The following PSD3 variants were observed in gnomAD, a reference collection of about 807,000 sequenced individuals.
PSD3 encodes pleckstrin and Sec7 domain containing 3, also known as PH and SEC7 domain-containing protein 3.
In PSD3, 49 loss-of-function variants were observed where a neutral mutation model predicts 105.5. The ratio of observed to expected loss-of-function variants is 0.46; its 90% CI spans 0.37 to 0.59. PSD3 has a LOEUF of 0.59. Ranked by LOEUF, PSD3 falls within the 20% of genes least tolerant of loss-of-function variation. The pLI is 0.00. For missense variants in PSD3, 1,561 were observed against 1,263.8 expected, an observed-to-expected ratio of 1.24 and a Z score of -3.57; for synonymous variants, 557 against 457.8, an observed-to-expected ratio of 1.22 and a Z score of -2.77.
chr8:18,667,366 A>G (rs1799531114), intron 9 of PSD3, among the ~76,000 whole-genome samples: 2 of 152,172 alleles, frequency 1.3e-5, no homozygotes, highest in South Asian at 4.1e-4. Flanking sequence ...CCTGAGCTAG[A>G]CACAAAGTGC....
chr8:18,739,907 A>G (rs1441294127), intron 9 of PSD3, among the ~76,000 whole-genome samples: 1 of 152,226 alleles, frequency 6.6e-6, no homozygotes, highest in Non-Finnish European at 1.5e-5. Context: ...ATCAGATGAA[A>G]GTAACATTAT....
At chr8:18,616,264 G>A (rs1447660352) in intron 11 of PSD3, among the ~76,000 whole-genome samples, 1 of 152,228 alleles carries the variant, frequency 6.6e-6, no homozygotes, top group Non-Finnish European at 1.5e-5. Flanking sequence ...GTGCGTTCAA[G>A]TGCTCTTCAC....
intron 1 of PSD3, among the ~76,000 whole-genome samples, chr8:19,053,330 G>A (rs1287719676): frequency 6.6e-6 from 1 of 152,058 alleles, no homozygotes; most frequent in Admixed American, 6.5e-5. Context: ...GCCCCCTGCT[G>A]CACACACCCA....
At chr8:18,628,479 T>C (rs1175284263) in intron 11 of PSD3, among the ~76,000 whole-genome samples, 2 of 151,910 alleles carry the variant, frequency 1.3e-5, no homozygotes, top group African/African-American at 4.8e-5. Flanking sequence ...AAGGATTCTA[T>C]ACCCAGTGAA....
Position 18,657,241 on chromosome 8 carries a change from G to A in PSD3, c.2173-1556C>T, listed in dbSNP as rs187298226. ...GTCTCATTCAAGTGTTTACATGTGT[G>A]TAAGCAAACAATGCACACCAATAGT... On this transcript the variant is annotated intron_variant, in intron 9 of 15. Coordinates refer to ENST00000327040, the MANE Select transcript of PSD3 (RefSeq NM_015310.4). Among the ~76,000 whole-genome samples, 758 of 152,002 alleles carry A rather than the reference G, an allele frequency of 5.0e-3. 8 individuals are homozygous for A. Among genetic ancestry groups the A allele is most frequent in the African/African-American group, 0.017 (696 of 41,530 alleles).
chr8:18,706,578 C>G (rs772430958), intron 9 of PSD3, among the ~76,000 whole-genome samples: 1 of 152,230 alleles, frequency 6.6e-6, no homozygotes, highest in African/African-American at 2.4e-5. Context: ...CCCATCCATG[C>G]ACAATCCAGG....
At chr8:18,948,603 A>G (rs1192781757) in intron 1 of PSD3, among the ~76,000 whole-genome samples, 1 of 152,206 alleles carries the variant, frequency 6.6e-6, no homozygotes, top group African/African-American at 2.4e-5. Flanking sequence ...ATTTTTCCTG[A>G]ATCCTTATAA....
rs1563224950 is a variant in PSD3 at position 18,752,508 on chromosome 8, ATAATATATGTAATATATATAATTATAT to A, written c.2172+12914_2172+12940del. ...TATATATATAATATATATAATATAT[ATAATATATGTAATATATATAATTATAT>A]ATTATATATATTATATATAATTATA... is the stretch of plus-strand genomic sequence containing the variant. On this transcript the variant is annotated intron_variant, in intron 9 of 15. Coordinates refer to ENST00000327040, the MANE Select transcript of PSD3 (RefSeq NM_015310.4). Among the ~76,000 whole-genome samples, 254 of 71,036 alleles carry A rather than the reference ATAATATATGTAATATATATAATTATAT, an allele frequency of 3.6e-3. 12 individuals are homozygous for A. Among genetic ancestry groups the A allele is most frequent in the Admixed American group, 0.029 (138 of 4,758 alleles). The allele number at this position is 71,036 out of a possible 152,430, so 46.6% of individuals were successfully genotyped here. A position where few individuals can be genotyped will look rare whatever the true frequency, so the allele number is the denominator to read the frequency against.
At chr8:18,847,510 C>A (rs1349078841) in intron 4 of PSD3, among the ~76,000 whole-genome samples, 1 of 152,120 alleles carries the variant, frequency 6.6e-6, no homozygotes, top group East Asian at 1.9e-4. Context: ...CCAGTATCCT[C>A]GTTGTTTTCA....
chr8:18,918,382 C>T (rs1820761997), intron 2 of PSD3, among the ~76,000 whole-genome samples: 2 of 152,204 alleles, frequency 1.3e-5, no homozygotes, highest in South Asian at 4.1e-4. Context: ...TTCACAGCCT[C>T]CCAAAGCCTC....
chr8:18,644,966 C>T lies in PSD3; in HGVS notation c.2216+10676G>A, dbSNP rs564254689. ...TGGGGTCTTCTCTAACCCCCACCTG[C>T]TCTCTTGTGCTTTGCTGCCCTTCTC... On this transcript the variant is annotated intron_variant, in intron 10 of 15. Coordinates refer to ENST00000327040, the MANE Select transcript of PSD3 (RefSeq NM_015310.4). Among the ~76,000 whole-genome samples, 5 of 152,340 alleles carry T rather than the reference C, an allele frequency of 3.3e-5. No individual in the cohort carries two copies. The East Asian group carries it at 7.7e-4, about 24-fold the overall frequency.
At chr8:18,768,769 T>C (rs148708616) in intron 8 of PSD3, among the ~76,000 whole-genome samples, 19 of 152,288 alleles carry the variant, frequency 1.2e-4, no homozygotes, top group African/African-American at 4.3e-4. Context: ...ATTCAAGCTG[T>C]CTAAATAGTT....
In PSD3 at chr8:18,528,249, C is replaced by G. The variant is rs1025995069; in HGVS notation, c.*7494G>C. 5 of 152,208 alleles carry G rather than the reference C, an allele frequency of 3.3e-5. No individual in the cohort carries two copies. Among genetic ancestry groups the G allele is most frequent in the African/African-American group, 1.2e-4 (5 of 41,454 alleles). 9.4% of individuals were successfully genotyped at this position (152,208 alleles called of 1,614,324 possible). A position where few individuals can be genotyped will look rare whatever the true frequency, so the allele number is the denominator to read the frequency against. On this transcript the variant is annotated 3_prime_UTR_variant, in exon 16 of 16. Coordinates refer to ENST00000327040, the MANE Select transcript of PSD3 (RefSeq NM_015310.4). ...ACTGAACAAAGCTGCTAAGCTAGCA[C>G]TTGAGTATTCCTCGACCCTTCCCCT...
intron 9 of PSD3, among the ~76,000 whole-genome samples, chr8:18,720,582 A>G (rs183005186): frequency 1.6e-3 from 238 of 152,318 alleles, no homozygotes; most frequent in African/African-American, 5.5e-3. Context: ...TACATGCAAA[A>G]TGACCAAAAA....
chr8:18,923,202 A>AC (rs1417227771), intron 2 of PSD3, among the ~76,000 whole-genome samples: 2 of 152,106 alleles, frequency 1.3e-5, no homozygotes, highest in African/African-American at 4.8e-5. Context: ...TTGAAAAAAA[A>AC]ACCTCATAAT....
At chr8:18,827,083 G>C (rs1193656913) in intron 4 of PSD3, among the ~76,000 whole-genome samples, 1 of 152,182 alleles carries the variant, frequency 6.6e-6, no homozygotes, top group East Asian at 1.9e-4. Context: ...ACTGATATCA[G>C]TTACCAAGCA....
intron 10 of PSD3, among the ~76,000 whole-genome samples, chr8:18,634,965 A>G (rs1807152835): frequency 6.6e-6 from 1 of 152,162 alleles, no homozygotes; most frequent in African/African-American, 2.4e-5. Flanking sequence ...TCTTGTAACA[A>G]TTATTATTAC....
intron 9 of PSD3, among the ~76,000 whole-genome samples, chr8:18,752,630 T>A (rs1805688254): frequency 1.2e-5 from 1 of 82,754 alleles, no homozygotes; most frequent in African/African-American, 6.0e-5. Context: ...ATATATTATA[T>A]ATAATATATA....
intron 1 of PSD3, among the ~76,000 whole-genome samples, chr8:18,992,878 A>T (rs1210635275): frequency 1.3e-5 from 2 of 152,042 alleles, no homozygotes; most frequent in Non-Finnish European, 2.9e-5. Flanking sequence ...CTGAGCTCTG[A>T]TATTGTATTA....
Sources: gnomAD v4.1 joint callset for allele counts (sites outside exome capture counted in the v4.1 genomes callset) on GRCh38, gnomAD v4.1.1 for gene constraint, MANE v1.5 for transcripts, NCBI Gene and HGNC (gene_info 2026-07-23, HGNC 2026-07-21) for gene names.